The following PCDH15 variants were observed in gnomAD, a reference collection of about 807,000 sequenced individuals.
PCDH15 encodes protocadherin-15.
In PCDH15, 129 loss-of-function variants were observed where a neutral mutation model predicts 178.5. The ratio of observed to expected loss-of-function variants is 0.72; its 90% confidence interval spans 0.63 to 0.84. The LOEUF (loss-of-function observed/expected upper bound fraction) is 0.84. PCDH15 is among the 40% of genes least tolerant of loss of function. PCDH15 has a pLI of 0.00. For synonymous variants in PCDH15, 800 were observed against 732.0 expected (o/e 1.09, Z -1.50); for missense variants, 2,230 against 2,099.9 (o/e 1.06, Z -1.21).
At chr10:53,819,325 A>ATAAAC (rs2076172811) in intron 33 of PCDH15, among the ~76,000 whole-genome samples, 1 of 152,012 alleles carries the variant, frequency 6.6e-6, no homozygotes, top group South Asian at 2.1e-4. Context: ...ATATCAATAG[A>ATAAAC]TAAACTATAA....
At chr10:55,296,579 T>G (rs1207312408) in intron 1 of PCDH15, among the ~76,000 whole-genome samples, 6 of 152,250 alleles carry the variant, frequency 3.9e-5, no homozygotes, top group Middle Eastern at 3.4e-3. Flanking sequence ...CTCCTATTAT[T>G]CAGGAAGTTA....
intron 3 of PCDH15, among the ~76,000 whole-genome samples, chr10:54,524,369 A>G (rs1053447703): frequency 4.6e-5 from 7 of 152,208 alleles, no homozygotes; most frequent in African/African-American, 1.7e-4. Flanking sequence ...TCCAACCATG[A>G]CTTAAAATCA....
intron 2 of PCDH15, among the ~76,000 whole-genome samples, chr10:55,014,792 A>C (rs1289916670): frequency 6.6e-6 from 1 of 152,334 alleles, no homozygotes; most frequent in South Asian, 2.1e-4. Flanking sequence ...AACTGTAAAA[A>C]TACTTTTTTA....
chr10:54,563,594 T>C (rs983470596), intron 2 of PCDH15, among the ~76,000 whole-genome samples: 1 of 151,998 alleles, frequency 6.6e-6, no homozygotes, highest in Non-Finnish European at 1.5e-5. Flanking sequence ...CAGACAAAGG[T>C]TCTCTATAAA....
chr10:54,567,739 T>C (rs1272935615), intron 2 of PCDH15, among the ~76,000 whole-genome samples: 1 of 152,122 alleles, frequency 6.6e-6, no homozygotes, highest in East Asian at 1.9e-4. Context: ...TACCTATAAA[T>C]ATATTTTGAG....
intron 2 of PCDH15, among the ~76,000 whole-genome samples, chr10:55,517,933 C>T (rs1841059806): frequency 6.6e-6 from 1 of 152,082 alleles, no homozygotes; most frequent in Non-Finnish European, 1.5e-5. Flanking sequence ...AAAACAGTAA[C>T]ATAGTTTAGT....
At chr10:54,951,160 C>A (rs1228361474) in intron 2 of PCDH15, among the ~76,000 whole-genome samples, 2 of 151,786 alleles carry the variant, frequency 1.3e-5, no homozygotes, top group Non-Finnish European at 2.9e-5. Context: ...ATGTGTCCAC[C>A]AGTACAATAT....
At chr10:54,283,450 G>A (rs1306632232) in intron 8 of PCDH15, among the ~76,000 whole-genome samples, 3 of 152,094 alleles carry the variant, frequency 2.0e-5, no homozygotes, top group Non-Finnish European at 4.4e-5. Flanking sequence ...AGTTAGCTGA[G>A]TTTAGATAAG....
At chr10:54,767,048 C>T (rs1306480455) in intron 1 of PCDH15, among the ~76,000 whole-genome samples, 1 of 152,046 alleles carries the variant, frequency 6.6e-6, no homozygotes, top group East Asian at 1.9e-4. Flanking sequence ...TATATTTTAA[C>T]ATTATAGACT....
chr10:54,557,347 C>T (rs1056667360), intron 2 of PCDH15, among the ~76,000 whole-genome samples: 2 of 152,084 alleles, frequency 1.3e-5, no homozygotes, highest in African/African-American at 4.8e-5. Flanking sequence ...AAATTGTTAT[C>T]TTTGTAAATT....
At chr10:54,551,056 G>A (rs949062813) in intron 2 of PCDH15, among the ~76,000 whole-genome samples, 2 of 148,496 alleles carry the variant, frequency 1.3e-5, no homozygotes, top group African/African-American at 5.0e-5. Context: ...TAGAGTGGAC[G>A]AGGCAGGAGA....
At chr10:55,071,420 A>G (rs953680560) in intron 2 of PCDH15, among the ~76,000 whole-genome samples, 2 of 152,188 alleles carry the variant, frequency 1.3e-5, no homozygotes, top group African/African-American at 4.8e-5. Context: ...AGCAAATGGA[A>G]AACAAAAAAA....
intron 17 of PCDH15, among the ~76,000 whole-genome samples, chr10:54,074,168 C>T (rs1470834682): frequency 6.6e-6 from 1 of 152,242 alleles, no homozygotes; most frequent in Non-Finnish European, 1.5e-5. Context: ...ACCATCTCTT[C>T]ACTGTCCACC....
intron 25 of PCDH15, among the ~76,000 whole-genome samples, chr10:53,915,594 C>T (rs2083463116): frequency 6.6e-6 from 1 of 152,134 alleles, no homozygotes; most frequent in Non-Finnish European, 1.5e-5. Context: ...CAGTCTCGCT[C>T]TGTCATCCAG....
Position 55,445,519 on chromosome 10 carries a change from C to A in PCDH15, c.-156+182106G>T, listed in dbSNP as rs551113576. Reference sequence around the variant, plus strand: ...TAGTAATTATATCTGAAAGCCCATACTACATAAAACAATGAGACACTGAAA... The same window carrying A: ...TAGTAATTATATCTGAAAGCCCATAATACATAAAACAATGAGACACTGAAA... On this transcript the variant is annotated intron_variant, in intron 2 of 5. Coordinates refer to the PCDH15 transcript ENST00000613346. Among the ~76,000 whole-genome samples the A allele has an allele frequency of 1.3e-3, 196 of 152,188 alleles. 1 individual carries two copies. The highest frequency in any genetic ancestry group is 4.5e-3 in the African/African-American group (185 of 41,534).
chr10:54,978,260 G>C (rs1839126768), intron 2 of PCDH15, among the ~76,000 whole-genome samples: 1 of 152,072 alleles, frequency 6.6e-6, no homozygotes, highest in Admixed American at 6.6e-5. Context: ...AGGGAGTCTG[G>C]GTTTAGCAAT....
chr10:55,076,762 A>G (rs1040026308), intron 2 of PCDH15, among the ~76,000 whole-genome samples: 118 of 127,104 alleles, frequency 9.3e-4, no homozygotes, highest in African/African-American at 3.1e-3. Flanking sequence ...GTGGCCTGTG[A>G]CCTTTTTTTT....
At chr10:55,415,956 T>C (rs1838471896) in intron 2 of PCDH15, among the ~76,000 whole-genome samples, 2 of 151,554 alleles carry the variant, frequency 1.3e-5, no homozygotes, top group Admixed American at 6.6e-5. Flanking sequence ...CTTTTGTCGA[T>C]AGCAAATTTC....
chr10:54,055,751 G>C (rs796532687), intron 18 of PCDH15, among the ~76,000 whole-genome samples: 3 of 152,184 alleles, frequency 2.0e-5, no homozygotes, highest in African/African-American at 7.2e-5. Flanking sequence ...GAAGTAAAAG[G>C]CCACCTCTTT....
Sources: gnomAD v4.1 joint callset for allele counts (sites outside exome capture counted in the v4.1 genomes callset) on GRCh38, gnomAD v4.1.1 for gene constraint, MANE v1.5 for transcripts, NCBI Gene and HGNC (gene_info 2026-07-23, HGNC 2026-07-21) for gene names.